The following RANBP3 variants were observed in gnomAD, a reference collection of about 807,000 sequenced individuals.
RANBP3 encodes RAN binding protein 3, also known as ran-binding protein 3.
A neutral mutation model predicts 77.3 loss-of-function variants in RANBP3; 14 were observed. The observed-to-expected ratio is 0.18, with a 90% CI of 0.12 to 0.28. The LOEUF (loss-of-function observed/expected upper bound fraction) is 0.28. Among genes scored for constraint, RANBP3 ranks in the 10% least tolerant of loss-of-function variants. The pLI, the probability that RANBP3 is intolerant of heterozygous loss-of-function variation, is 1.00. For synonymous variants in RANBP3, 315 were observed against 312.4 expected (o/e 1.01, Z -0.09); for missense variants, 586 against 752.3 (o/e 0.78, Z 2.59).
Position 5,921,100 on chromosome 19 carries a change from G to A in RANBP3, c.1330+101C>T. 1.4e-6 allele frequency: 2 copies of A among 1,422,148 alleles called. No individual in the cohort carries two copies. The highest frequency in any genetic ancestry group is 2.6e-4 in the Middle Eastern group (1 of 3,864). The allele number at this position is 1,422,148 out of a possible 1,614,324, so 88.1% of individuals were successfully genotyped here. On this transcript the variant is annotated intron_variant, in intron 14 of 16. Transcript: ENST00000340578. This position sits in a 1 kb window ranked among gnomAD's most constrained non-coding sequence, Gnocchi z 5.3. ...GACTCTGTGCCTTGACTCTCACAAGGGTAGGGTCAGGATCTCCCCCGCTTC... is the reference window on the plus strand; with the variant it reads ...GACTCTGTGCCTTGACTCTCACAAGAGTAGGGTCAGGATCTCCCCCGCTTC...
intron 9 of RANBP3, among the ~76,000 whole-genome samples, chr19:5,926,234 G>A (rs1029627327): frequency 2.0e-5 from 3 of 152,280 alleles, no homozygotes; most frequent in Admixed American, 6.5e-5. Context: ...CAAGGAAGCA[G>A]AGGCTCAGAG....
intron 2 of RANBP3, among the ~76,000 whole-genome samples, chr19:5,954,312 TTAAAGTCACTA>T (rs1249580508): frequency 6.6e-6 from 1 of 152,162 alleles, no homozygotes; most frequent in East Asian, 1.9e-4. Context: ...CAAGAAGTTG[TTAAAGTCACTA>T]TAAGTGACAT....
chr19:5,920,675 G>A (rs1274487636), intron 14 of RANBP3, among the ~76,000 whole-genome samples: 2 of 152,104 alleles, frequency 1.3e-5, no homozygotes, highest in African/African-American at 4.8e-5. Context: ...AGCCTCCCGA[G>A]TAGCTGGGAT....
chr19:5,961,339 A>C (rs1460594842), intron 1 of RANBP3, among the ~76,000 whole-genome samples: 4 of 151,990 alleles, frequency 2.6e-5, no homozygotes, highest in Non-Finnish European at 5.9e-5. Context: ...GCAACTCGGG[A>C]GGCTGAGCTT....
In RANBP3 at chr19:5,924,462, C is replaced by T. The variant is rs954117634; in HGVS notation, c.996+365G>A. Among the ~76,000 whole-genome samples the T allele has an allele frequency of 4.6e-5, 7 of 152,262 alleles. No homozygotes were observed. The highest frequency in any genetic ancestry group is 9.6e-5 in the African/African-American group (4 of 41,474). ...CTCACAGGAGCAGGGAGGCCAGCAACCCTGTCCACCAGCACGGCTGGCTCC... is the reference window on the plus strand; with the variant it reads ...CTCACAGGAGCAGGGAGGCCAGCAATCCTGTCCACCAGCACGGCTGGCTCC... On this transcript the variant is annotated intron_variant, in intron 11 of 16. Transcript: ENST00000340578. This position sits in a 1 kb window ranked among gnomAD's most constrained non-coding sequence, Gnocchi z 4.7.
chr19:5,925,199 G>A, intron 10 of RANBP3: 4 of 503,334 alleles, frequency 7.9e-6, no homozygotes, highest in Non-Finnish European at 1.1e-5. Context: ...GACACCTGGA[G>A]GGGCAGCTGG....
Position 5,921,152 on chromosome 19 carries a change from AG to A in RANBP3, c.1330+48del. 1 of 1,585,682 alleles carries A rather than the reference AG, an allele frequency of 6.3e-7. No individual in the cohort carries two copies. Among genetic ancestry groups the A allele is most frequent in the South Asian group, 1.1e-5 (1 of 89,482 alleles). Reference sequence around the variant, plus strand: ...TTCCCTTTGGAATTGCATAGTCCCCAGCCCTCCCCATGGGGACCCGGCCACA... The same window carrying A: ...TTCCCTTTGGAATTGCATAGTCCCCACCCTCCCCATGGGGACCCGGCCACA... On this transcript the variant is annotated intron_variant, in intron 14 of 16. Coordinates refer to ENST00000340578, the MANE Select transcript of RANBP3 (RefSeq NM_007322.3). This position sits in a 1 kb window ranked among gnomAD's most constrained non-coding sequence, Gnocchi z 5.3.
At chr19:5,961,938 G>A (rs377141694) in intron 1 of RANBP3, among the ~76,000 whole-genome samples, 5 of 151,618 alleles carry the variant, frequency 3.3e-5, no homozygotes, top group Admixed American at 1.3e-4. Context: ...TACCAAGAGC[G>A]CGTGGTTCCC....
Position 5,924,736 on chromosome 19 carries a change from A to G in RANBP3, c.996+91T>C. 7.6e-7 allele frequency: 1 copy of G among 1,314,868 alleles called. No individual in the cohort carries two copies. 81.5% of individuals were successfully genotyped at this position (1,314,868 alleles called of 1,614,324 possible). On this transcript the variant is annotated intron_variant, in intron 11 of 16. Transcript: ENST00000340578. This position sits in a 1 kb window ranked among gnomAD's most constrained non-coding sequence, Gnocchi z 4.7. ...AGGCATCCCCATCTCACATAGGACG[A>G]CACAGCAGCCCTGCTCTCCATGTCC...
At chr19:5,941,741 T>C in intron 4 of RANBP3, 34 bp from the exon 5 acceptor site, 1 of 1,612,416 alleles carries the variant, frequency 6.2e-7, no homozygotes, top group Non-Finnish European at 8.5e-7. Context: ...AGGAGAAAAA[T>C]CAGGTTGCTT....
At position 5,941,790 on chromosome 19, in the gene RANBP3, G is replaced by T; in HGVS notation, c.319+9C>A. ...TGAAGATGGTCAAAGGTGTTAGAGA[G>T]CTCCTTACCTTCTCCGCCTTCAGGA... On this transcript the variant is annotated intron_variant, in intron 4 of 16. Transcript: ENST00000340578. The T allele has an allele frequency of 6.2e-7, 1 of 1,612,274 alleles. No individual in the cohort carries two copies. The highest frequency in any genetic ancestry group is 8.5e-7 in the Non-Finnish European group (1 of 1,180,000).
intron 3 of RANBP3, among the ~76,000 whole-genome samples, chr19:5,947,808 A>G (rs1314507704): frequency 6.6e-6 from 1 of 152,202 alleles, no homozygotes; most frequent in Non-Finnish European, 1.5e-5. Context: ...GCTTGTGGGA[A>G]GTAACTCAAT....
chr19:5,941,881 C>T (rs375215454), intron 3 of RANBP3, 46 bp from the exon 4 acceptor site: 25 of 1,609,898 alleles, frequency 1.6e-5, no homozygotes, highest in African/African-American at 6.7e-5. Context: ...ATCAGGCTCA[C>T]GGCAGCCGAG....
intron 5 of RANBP3, among the ~76,000 whole-genome samples, chr19:5,937,056 CAAAAAAAAAAAA>C (rs71172783): frequency 3.2e-4 from 12 of 37,180 alleles, no homozygotes; most frequent in Admixed American, 1.5e-3. Flanking sequence ...ACTCTGTCTC[CAAAAAAAAAAAA>C]AAAAAAAAAA....
intron 1 of RANBP3, among the ~76,000 whole-genome samples, chr19:5,963,193 G>A (rs1416751158): frequency 1.3e-5 from 2 of 152,160 alleles, no homozygotes; most frequent in African/African-American, 2.4e-5. Context: ...GCTCCCTGTT[G>A]AAACCTAGTT....
At chr19:5,975,928 G>C (rs563975780) in intron 1 of RANBP3, among the ~76,000 whole-genome samples, 1 of 152,144 alleles carries the variant, frequency 6.6e-6, no homozygotes, top group South Asian at 2.1e-4. Context: ...CAAGGCAGCA[G>C]AGAGTGGCGA....
At chr19:5,937,056 C>CAAA (rs71172783) in intron 5 of RANBP3, among the ~76,000 whole-genome samples, 1,049 of 37,156 alleles carry the variant, frequency 0.028, 174 homozygotes, top group East Asian at 0.089. Context: ...ACTCTGTCTC[C>CAAA]AAAAAAAAAA....
chr19:5,934,670 C>A (rs1430938625), intron 5 of RANBP3, among the ~76,000 whole-genome samples: 1 of 152,090 alleles, frequency 6.6e-6, no homozygotes. Flanking sequence ...CCTAACTCTA[C>A]AAAAAATTAA....
rs2057738404 is a variant in RANBP3 at position 5,916,391 on chromosome 19, C to T, written c.*1219G>A. ...CAGCTGCAGGAGGCCTTCTCTTAAC[C>T]CTCCGAGAGTGGGACTGGGAGATTT... On this transcript the variant is annotated 3_prime_UTR_variant, in exon 17 of 17. Transcript: ENST00000340578. 6.6e-6 allele frequency: 1 copy of T among 152,226 alleles called. No homozygotes were observed. The highest frequency in any genetic ancestry group is 2.4e-5 in the African/African-American group (1 of 41,440). The allele number at this position is 152,226 out of a possible 1,614,324, so 9.4% of individuals were successfully genotyped here. A position where few individuals can be genotyped will look rare whatever the true frequency, so the allele number is the denominator to read the frequency against.
Sources: allele counts gnomAD v4.1 joint callset (sites outside exome capture counted in the v4.1 genomes callset), GRCh38; gene constraint gnomAD v4.1.1; non-coding constraint Gnocchi (gnomAD v3.1); transcripts MANE v1.5; gene names NCBI Gene and HGNC (gene_info 2026-07-23, HGNC 2026-07-21).